The following EAF1 variants were observed in gnomAD, a reference collection of about 807,000 sequenced individuals.
The protein encoded by EAF1 is ELL associated factor 1, also known as ELL-associated factor 1.
A neutral mutation model predicts 26.6 loss-of-function variants in EAF1; 19 were observed. The observed-to-expected ratio is 0.71, with a 90% CI of 0.50 to 1.05. EAF1 has a LOEUF of 1.05. Ranked by LOEUF, EAF1 falls within the 50% of genes least tolerant of loss-of-function variation. EAF1 has a pLI of 0.00. For synonymous variants in EAF1, 102 were observed against 120.6 expected (o/e 0.85, Z 1.01); for missense variants, 260 against 335.5 (o/e 0.78, Z 1.76).
In EAF1 at chr3:15,430,153, G is replaced by A. The variant is rs536802044; in HGVS notation, c.198+146G>A. ...GAAAAAAGTAATTTTGGGGAGTGGGGTGGGGTGGACTTCATGCTAGGCAGG... is the reference window on the plus strand; with the variant it reads ...GAAAAAAGTAATTTTGGGGAGTGGGATGGGGTGGACTTCATGCTAGGCAGG... On this transcript the variant is annotated intron_variant, in intron 2 of 5. Coordinates refer to ENST00000396842, the MANE Select transcript of EAF1 (RefSeq NM_033083.7). The A allele has an allele frequency of 1.5e-4, 92 of 615,252 alleles. 1 individual carries two copies. The African/African-American group carries it at 1.5e-3, about 10-fold the overall frequency. The allele number at this position is 615,252 out of a possible 1,614,324, so 38.1% of individuals were successfully genotyped here.
rs1405945864 is a variant in EAF1, at chr3:15,436,361, CATT to C, written c.550_552del (p.Ile184del). 1 of 1,610,442 alleles carries C rather than the reference CATT, an allele frequency of 6.2e-7. No homozygotes were observed. The highest frequency in any genetic ancestry group is 8.5e-7 in the Non-Finnish European group (1 of 1,177,428). On this transcript the variant is annotated inframe_deletion, in exon 5 of 6. Coordinates refer to ENST00000396842, the MANE Select transcript of EAF1 (RefSeq NM_033083.7). Reference sequence around the variant, plus strand: ...TTCCAGAGCTGAGGGCTGAAGTTGACATTATTGAACAAATGAGCAGCAGCAGTG... The same window carrying C: ...TTCCAGAGCTGAGGGCTGAAGTTGACATTGAACAAATGAGCAGCAGCAGTG...
chr3:15,435,185 A>G (rs1001838489), intron 4 of EAF1, among the ~76,000 whole-genome samples: 1 of 152,244 alleles, frequency 6.6e-6, no homozygotes, highest in Non-Finnish European at 1.5e-5. Context: ...GAGGACCAAT[A>G]GAAACAGATA....
intron 4 of EAF1, among the ~76,000 whole-genome samples, chr3:15,435,542 CAG>C (rs954790786): frequency 6.6e-6 from 1 of 151,774 alleles, no homozygotes; most frequent in Admixed American, 6.6e-5. Context: ...GAATAGGAAT[CAG>C]AGCATGAGTG....
Position 15,436,557 on chromosome 3 carries a change from C to T in EAF1, c.742C>T (p.Gln248Ter). The T allele has an allele frequency of 1.3e-6, 2 of 1,588,976 alleles. No individual in the cohort carries two copies. Among genetic ancestry groups the T allele is most frequent in the Non-Finnish European group, 1.7e-6 (2 of 1,159,084 alleles). ...AACCAGCCGGCCACAAGGAAGCAACCAGCTCATGAACACCCTCAGTAAGTG... is the reference window on the plus strand; with the variant it reads ...AACCAGCCGGCCACAAGGAAGCAACTAGCTCATGAACACCCTCAGTAAGTG... ...NGTSRPQGSN[Q>*]LMNTLRNDLQ... is the part of the protein sequence containing the mutation. The change falls in exon 5 of 6, where the codon CAG (glutamine) becomes TAG (stop). Residue 248 changes from glutamine to a stop codon, truncating the protein, a stop_gained. Transcript: ENST00000396842. LOFTEE classifies it high-confidence loss of function.
At chr3:15,434,608 A>G in intron 4 of EAF1, 70 bp downstream of exon 4, 1 of 1,546,546 alleles carries the variant, frequency 6.5e-7, no homozygotes, top group Non-Finnish European at 8.8e-7. Flanking sequence ...TGGAGATCAC[A>G]TGGCTGCTGT....
At chr3:15,427,984 C>A (rs2061765656) in intron 1 of EAF1, 102 bp downstream of exon 1, 2 of 927,524 alleles carry the variant, frequency 2.2e-6, no homozygotes, top group Non-Finnish European at 3.2e-6. Context: ...TCCAGGGAAC[C>A]CCCTGCCAGC....
chr3:15,436,965 G>A lies in EAF1; in HGVS notation c.760+390G>A, dbSNP rs151255259. Among the ~76,000 whole-genome samples the A allele has an allele frequency of 2.0e-3, 298 of 151,580 alleles. 1 individual carries two copies. Among genetic ancestry groups the A allele is most frequent in the African/African-American group, 6.6e-3 (274 of 41,314 alleles). ...GGCTGGAGTGCAATGGTGCAATCTC[G>A]GCTTACTGCAACCTCCACCTCTCGG... On this transcript the variant is annotated intron_variant, in intron 5 of 5. Transcript: ENST00000396842.
chr3:15,439,287 C>A lies in EAF1; in HGVS notation c.*132C>A. The A allele has an allele frequency of 1.3e-6, 1 of 754,018 alleles. No homozygotes were observed. Among genetic ancestry groups the A allele is most frequent in the Non-Finnish European group, 2.1e-6 (1 of 473,722 alleles). 46.7% of individuals were successfully genotyped at this position (754,018 alleles called of 1,614,324 possible). ...GTAGTAGGAGTTTGAGGCTCTGGAA[C>A]TCTCACATATTCAAGTCTTTAACTT... On this transcript the variant is annotated 3_prime_UTR_variant, in exon 6 of 6. Transcript: ENST00000396842.
Position 15,436,506 on chromosome 3 carries a change from A to C in EAF1, c.691A>C (p.Asn231His), listed in dbSNP as rs2061836911. 1.2e-6 allele frequency: 2 copies of C among 1,605,374 alleles called. No individual in the cohort carries two copies. Among genetic ancestry groups the C allele is most frequent in the Non-Finnish European group, 1.7e-6 (2 of 1,172,606 alleles). The change falls in exon 5 of 6, where the codon AAC becomes CAC. Residue 231 changes from asparagine to histidine, a missense_variant. Asn to His is a moderately conservative substitution (Grantham distance 68, BLOSUM62 1). Coordinates refer to ENST00000396842, the MANE Select transcript of EAF1 (RefSeq NM_033083.7). ...PPQPSHQQPY[N>H]SRPAVANGTS... Reference sequence around the variant, plus strand: ...GCAGCCTTCACACCAGCAGCCCTACAACAGTAGGCCTGCCGTTGCCAATGG... The same window carrying C: ...GCAGCCTTCACACCAGCAGCCCTACCACAGTAGGCCTGCCGTTGCCAATGG...
At chr3:15,438,508 TTC>T (rs1459593700) in intron 5 of EAF1, 2 of 149,748 alleles carry the variant, frequency 1.3e-5, no homozygotes, top group African/African-American at 2.5e-5. Flanking sequence ...TTTAAATATT[TTC>T]TTTTTTTTTT....
chr3:15,428,016 C>T lies in EAF1; in HGVS notation c.103+134C>T, dbSNP rs372221679. 5.1e-5 allele frequency: 36 copies of T among 709,218 alleles called. 1 individual carries two copies. The highest frequency in any genetic ancestry group is 2.5e-4 in the Middle Eastern group (1 of 4,030). The allele number at this position is 709,218 out of a possible 1,614,324, so 43.9% of individuals were successfully genotyped here. On this transcript the variant is annotated intron_variant, in intron 1 of 5. Coordinates refer to ENST00000396842, the MANE Select transcript of EAF1 (RefSeq NM_033083.7). ...CAGCGTCAGTTACTTTCTCTCGAAC[C>T]CCAAATCCTTTGGGACATCGATTTG...
At chr3:15,436,111 C>A in intron 4 of EAF1, 1 of 358,108 alleles carries the variant, frequency 2.8e-6, no homozygotes, top group Non-Finnish European at 5.1e-6. Context: ...AACAGTCTTG[C>A]TTTTTATTTA....
intron 4 of EAF1, among the ~76,000 whole-genome samples, chr3:15,435,251 C>T (rs958955943): frequency 3.9e-5 from 6 of 152,120 alleles, no homozygotes; most frequent in Non-Finnish European, 8.8e-5. Context: ...AAACCTGAGA[C>T]AAAAAAGCTT....
chr3:15,436,882 A>T (rs986849454), intron 5 of EAF1, among the ~76,000 whole-genome samples: 2 of 152,170 alleles, frequency 1.3e-5, no homozygotes, highest in Non-Finnish European at 2.9e-5. Flanking sequence ...ACCTGCCACC[A>T]TACTGCTCTC....
chr3:15,432,942 G>A (rs1031304924), intron 3 of EAF1, among the ~76,000 whole-genome samples: 4 of 151,302 alleles, frequency 2.6e-5, no homozygotes, highest in Admixed American at 1.3e-4. Flanking sequence ...TTTATGCTTC[G>A]TTAAGCCATT....
In EAF1 at chr3:15,430,021, AT is replaced by A. The variant is rs11322247; in HGVS notation, c.198+25del. The A allele has an allele frequency of 0.33, 408,473 of 1,240,710 alleles. 40,710 individuals carry two copies. The highest frequency in any genetic ancestry group is 0.43 in the South Asian group (28,691 of 66,776). 76.9% of individuals were successfully genotyped at this position (1,240,710 alleles called of 1,614,324 possible). On this transcript the variant is annotated intron_variant, in intron 2 of 5. Coordinates refer to ENST00000396842, the MANE Select transcript of EAF1 (RefSeq NM_033083.7). ...CCACATATCCCTGTGAGTTTATTTC[AT>A]TTTTTTTTTTAATGTAAGATCACAA...
chr3:15,437,050 C>T (rs553035356), intron 5 of EAF1, among the ~76,000 whole-genome samples: 2 of 152,290 alleles, frequency 1.3e-5, no homozygotes, highest in South Asian at 2.1e-4. Context: ...CATGTCCCAC[C>T]ACACCTGGCT....
chr3:15,427,777 G>T lies in EAF1; in HGVS notation c.-3G>T. On this transcript the variant is annotated 5_prime_UTR_variant, in exon 1 of 6. Transcript: ENST00000396842. Reference sequence around the variant, plus strand: ...GATCTGGGTGCGAGGCAGGTGCGGGGCCATGAATGGGACCGCAAACCCGCT... The same window carrying T: ...GATCTGGGTGCGAGGCAGGTGCGGGTCCATGAATGGGACCGCAAACCCGCT... 3 of 1,551,142 alleles carry T rather than the reference G, an allele frequency of 1.9e-6. No homozygotes were observed. The highest frequency in any genetic ancestry group is 1.7e-6 in the Non-Finnish European group (2 of 1,146,826).
intron 2 of EAF1, 67 bp from the exon 3 acceptor site, chr3:15,432,020 A>T: frequency 6.6e-7 from 1 of 1,524,352 alleles, no homozygotes; most frequent in Non-Finnish European, 8.9e-7. Context: ...GGAGTCATCT[A>T]TAAATTCAGT....
Sources: gnomAD v4.1 joint callset for allele counts (sites outside exome capture counted in the v4.1 genomes callset) on GRCh38, gnomAD v4.1.1 for gene constraint, MANE v1.5 for transcripts, NCBI Gene and HGNC (gene_info 2026-07-23, HGNC 2026-07-21) for gene names.